DNAH3: variants seen among roughly 807,000 people sequenced by gnomAD.
DNAH3 encodes the protein dynein axonemal heavy chain 3, also known as axonemal beta dynein heavy chain 3.
Under a neutral mutation model 432.5 loss-of-function variants are expected in DNAH3, and 332 were observed. The ratio of observed to expected loss-of-function variants is 0.77; its 90% confidence interval spans 0.70 to 0.84. The LOEUF (loss-of-function observed/expected upper bound fraction) is 0.84. Among genes scored for constraint, DNAH3 ranks in the 40% least tolerant of loss-of-function variants. The probability of loss-of-function intolerance (pLI) is 0.00; values close to 1 mark genes in which losing one functional copy is unlikely to be tolerated. For synonymous variants in DNAH3, 1,956 were observed against 1,900.2 expected, an observed-to-expected ratio of 1.03 and a Z score of -0.76; for missense variants, 4,861 against 5,114.0, an observed-to-expected ratio of 0.95 and a Z score of 1.51.
chr16:20,950,645 AC>A (rs2084269724), intron 56 of DNAH3, among the ~76,000 whole-genome samples: 1 of 152,162 alleles, frequency 6.6e-6, no homozygotes, highest in Non-Finnish European at 1.5e-5. Flanking sequence ...AAACTCCTTA[AC>A]ATATGGAGCT....
At chr16:20,985,052 G>A in intron 48 of DNAH3, 4 of 1,597,154 alleles carry the variant, frequency 2.5e-6, no homozygotes, top group Non-Finnish European at 3.4e-6. Context: ...TTCTTACCGA[G>A]GACAATGTGA....
intron 57 of DNAH3, among the ~76,000 whole-genome samples, chr16:20,947,302 C>G (rs1316009662): frequency 6.6e-6 from 1 of 152,226 alleles, no homozygotes; most frequent in Non-Finnish European, 1.5e-5. Context: ...AGTTCTCACT[C>G]CTTCCGCCAT....
intron 9 of DNAH3, 136 bp from the exon 11 acceptor site, chr16:21,122,260 A>C (rs1295427286): frequency 2.8e-6 from 2 of 710,716 alleles, no homozygotes; most frequent in Non-Finnish European, 4.5e-6. Context: ...TTTATATTTA[A>C]AATATGGGCT....
At chr16:20,965,728 T>G (rs959090496) in intron 52 of DNAH3, among the ~76,000 whole-genome samples, 1 of 152,164 alleles carries the variant, frequency 6.6e-6, no homozygotes, top group African/African-American at 2.4e-5. Context: ...ATTTATTTAT[T>G]TTGAGACAGA....
intron 41 of DNAH3, among the ~76,000 whole-genome samples, chr16:21,010,319 T>A (rs1464882647): frequency 7.2e-5 from 11 of 152,154 alleles, no homozygotes; most frequent in African/African-American, 2.7e-4. Context: ...GGTAAATGAC[T>A]TCTATCACCC....
chr16:21,103,356 G>GGC (rs538993432), intron 16 of DNAH3, among the ~76,000 whole-genome samples: 4 of 148,632 alleles, frequency 2.7e-5, no homozygotes, highest in African/African-American at 7.6e-5. Context: ...TGTGTGTGTG[G>GGC]GGGGGGGCAG....
chr16:21,028,653 CA>C (rs57414215), intron 37 of DNAH3, among the ~76,000 whole-genome samples: 205 of 127,516 alleles, frequency 1.6e-3, no homozygotes, highest in Admixed American at 2.0e-3. Flanking sequence ...GACTTTGTCT[CA>C]AAAAAAAAAA....
Position 21,111,878 on chromosome 16 carries a change from G to A in DNAH3, c.1921-74C>T, listed in dbSNP as rs140102702. 1.7e-4 allele frequency: 266 copies of A among 1,571,460 alleles called. No homozygotes were observed. The African/African-American group carries it at 3.3e-3, about 20-fold the overall frequency. ...CCACTTGCCCCCAGCCTAACCCCTGGCCAACCCTAGTCCAATGCTGAGCAT... is the reference window on the plus strand; with the variant it reads ...CCACTTGCCCCCAGCCTAACCCCTGACCAACCCTAGTCCAATGCTGAGCAT... On this transcript the variant is annotated intron_variant, in intron 13 of 61. Coordinates refer to ENST00000261383, the Ensembl canonical transcript of DNAH3.
At position 20,963,372 on chromosome 16, in the gene DNAH3, AG is replaced by A. The variant is rs757271052; in HGVS notation, c.10511del (p.Pro3504LeufsTer18). 2.0e-5 allele frequency: 33 copies of A among 1,614,166 alleles called. No individual in the cohort carries two copies. Among genetic ancestry groups the A allele is most frequent in the Non-Finnish European group, 1.4e-5 (16 of 1,180,036 alleles). On this transcript the variant is annotated frameshift_variant, in exon 53 of 62. Coordinates refer to ENST00000261383, the Ensembl canonical transcript of DNAH3. LOFTEE classifies it high-confidence loss of function. ...TGTAGGATCCCTGGAGATCGAACGTAGGGGCTTCGATATACAGCTTTCCCAT... is the reference window on the plus strand; with the variant it reads ...TGTAGGATCCCTGGAGATCGAACGTAGGGCTTCGATATACAGCTTTCCCAT...
chr16:20,963,376 G>T (rs760103532), exon 53 of DNAH3: 6 of 1,614,128 alleles, frequency 3.7e-6, no homozygotes, highest in Non-Finnish European at 5.1e-6. Context: ...GAACGTAGGG[G>T]CTTCGATATA....
chr16:21,024,986 G>A (rs980049099), intron 38 of DNAH3, among the ~76,000 whole-genome samples: 3 of 152,146 alleles, frequency 2.0e-5, no homozygotes, highest in African/African-American at 7.2e-5. Flanking sequence ...GTACAGTGGT[G>A]CAATCTTGGC....
chr16:20,933,121 T>A, exon 62 of DNAH3: 1 of 1,573,482 alleles, frequency 6.4e-7, no homozygotes. Flanking sequence ...AAGAATGAAA[T>A]GCTTTTTATT....
At chr16:20,982,087 A>C (rs2085936717) in intron 49 of DNAH3, among the ~76,000 whole-genome samples, 1 of 151,196 alleles carries the variant, frequency 6.6e-6, no homozygotes, top group African/African-American at 2.4e-5. Context: ...TTTCACCCTT[A>C]TAGGAACTAA....
chr16:21,082,716 C>T (rs540014652), intron 19 of DNAH3, among the ~76,000 whole-genome samples: 98 of 151,958 alleles, frequency 6.4e-4, no homozygotes, highest in African/African-American at 2.3e-3. Flanking sequence ...GCAATCCCAG[C>T]TACTTGGGAG....
In DNAH3 at chr16:20,933,188, C is replaced by A. The variant is rs374597128; in HGVS notation, c.12317G>T (p.Arg4106Leu). ...CAGCTGGCACAGTGAGGCCACCCCTCGGTTTATCCAGTGCTTCTGGGGCAT... is the reference window on the plus strand; with the variant it reads ...CAGCTGGCACAGTGAGGCCACCCCTAGGTTTATCCAGTGCTTCTGGGGCAT... The change falls in exon 62 of 62, where the codon CGA becomes CTA. Residue 4106 changes from arginine to leucine, a missense_variant. Coordinates refer to ENST00000261383, the Ensembl canonical transcript of DNAH3. 1 of 1,614,114 alleles carries A rather than the reference C, an allele frequency of 6.2e-7. No individual in the cohort carries two copies. Among genetic ancestry groups the A allele is most frequent in the Non-Finnish European group, 8.5e-7 (1 of 1,179,952 alleles).
intron 38 of DNAH3, 25 bp from the exon 39 acceptor site, chr16:21,024,726 A>C (rs1567656213): frequency 6.4e-7 from 1 of 1,560,438 alleles, no homozygotes; most frequent in Non-Finnish European, 8.8e-7. Context: ...GGACCAGTTT[A>C]GGTGCTCGCT....
rs2091663968 is a variant in DNAH3 at position 21,095,932 on chromosome 16, C to T, written c.2665+1423G>A. Among the ~76,000 whole-genome samples the T allele has an allele frequency of 2.0e-5, 3 of 151,968 alleles. No homozygotes were observed. In the South Asian group the frequency reaches 6.2e-4, roughly 32 times the overall value. ...GGTGCACACCACCATGCCCAGCTAA[C>T]TTTTTCATTTTGTTTTTAGTAGAAA... On this transcript the variant is annotated intron_variant, in intron 18 of 61. Coordinates refer to ENST00000261383, the Ensembl canonical transcript of DNAH3.
At chr16:20,979,182 C>G (rs1465013210) in intron 50 of DNAH3, 148 bp downstream of exon 50, 6 of 667,698 alleles carry the variant, frequency 9.0e-6, no homozygotes, top group Non-Finnish European at 1.6e-5. Context: ...GCAGGGATTA[C>G]AGTGATGTAG....
chr16:20,993,735 G>A (rs1254232916), intron 44 of DNAH3, among the ~76,000 whole-genome samples: 1 of 152,060 alleles, frequency 6.6e-6, no homozygotes, highest in African/African-American at 2.4e-5. Context: ...CCTGGTTGCA[G>A]TGCAGTGGTG....
Sources: gnomAD v4.1 joint callset for allele counts (sites outside exome capture counted in the v4.1 genomes callset) on GRCh38, gnomAD v4.1.1 for gene constraint, MANE v1.5 for transcripts, NCBI Gene and HGNC (gene_info 2026-07-23, HGNC 2026-07-21) for gene names.